Variants in ZDHHC20 observed in about 807,000 individuals in gnomAD.
The protein encoded by ZDHHC20 is palmitoyltransferase ZDHHC20.
Under a neutral mutation model 57.8 loss-of-function variants are expected in ZDHHC20, and 43 were observed. The ratio of observed to expected loss-of-function variants is 0.74; its 90% confidence interval spans 0.58 to 0.96. The LOEUF is 0.96. ZDHHC20 is among the 40% of genes least tolerant of loss of function. The probability of loss-of-function intolerance (pLI) is 0.00; values close to 1 mark genes in which losing one functional copy is unlikely to be tolerated. For missense variants in ZDHHC20, 391 were observed against 441.1 expected (o/e 0.89, Z 1.02); for synonymous variants, 157 against 153.0 (o/e 1.03, Z -0.19).
intron 1 of ZDHHC20, among the ~76,000 whole-genome samples, chr13:21,434,125 C>T (rs779218315): frequency 2.1e-4 from 32 of 151,530 alleles, no homozygotes; most frequent in Non-Finnish European, 3.4e-4. Flanking sequence ...TGTGTGTGTG[C>T]GTGCACACCA....
At chr13:21,404,163 A>G (rs1295732002) in intron 4 of ZDHHC20, among the ~76,000 whole-genome samples, 1 of 152,212 alleles carries the variant, frequency 6.6e-6, no homozygotes. Context: ...GTGAAACACT[A>G]TGCGGAGTTT....
rs1345730116 is a variant in ZDHHC20, at chr13:21,410,900, C to T, written c.370+2752G>A. Among the ~76,000 whole-genome samples, 2 of 152,146 alleles carry T rather than the reference C, an allele frequency of 1.3e-5. 1 individual carries two copies. The highest frequency in any genetic ancestry group is 2.9e-5 in the Non-Finnish European group (2 of 68,028). ...TGTCTTGCTGGCGTGCCAGGTGCCA[C>T]TGGGGTACGAAAAAAAACTCCTGCA... On this transcript the variant is annotated intron_variant, in intron 4 of 12. Transcript: ENST00000400590.
At chr13:21,442,364 G>A (rs9509713) in intron 1 of ZDHHC20, among the ~76,000 whole-genome samples, 26,371 of 152,004 alleles carry the variant, frequency 0.17, 2,751 homozygotes, top group Non-Finnish European at 0.25. Context: ...TTTAGTCTTC[G>A]TTTCTGATAC....
At chr13:21,419,982 A>G (rs1158061147) in intron 3 of ZDHHC20, among the ~76,000 whole-genome samples, 1 of 152,180 alleles carries the variant, frequency 6.6e-6, no homozygotes, top group Non-Finnish European at 1.5e-5. Context: ...TGTGGCAGGT[A>G]CACTAGTATT....
At chr13:21,401,779 T>C in intron 5 of ZDHHC20, 94 bp from the exon 6 acceptor site, 1 of 1,133,830 alleles carries the variant, frequency 8.8e-7, no homozygotes, top group Non-Finnish European at 1.2e-6. Context: ...AAAATTCCCT[T>C]TACAACTACA....
chr13:21,458,407 T>C (rs748289462), intron 1 of ZDHHC20, among the ~76,000 whole-genome samples: 2 of 152,200 alleles, frequency 1.3e-5, no homozygotes, highest in Non-Finnish European at 2.9e-5. Flanking sequence ...CTCCCACCCA[T>C]TCTTTCTGTC....
At chr13:21,438,805 GTTC>G (rs1566108512) in intron 1 of ZDHHC20, among the ~76,000 whole-genome samples, 3 of 152,122 alleles carry the variant, frequency 2.0e-5, no homozygotes, top group Admixed American at 1.3e-4. Context: ...GGCAAACTTC[GTTC>G]TTGTCGTTTT....
chr13:21,383,169 C>G (rs1399674212), intron 9 of ZDHHC20, among the ~76,000 whole-genome samples, 160 bp from the exon 10 acceptor site: 1 of 152,106 alleles, frequency 6.6e-6, no homozygotes, highest in Non-Finnish European at 1.5e-5. Flanking sequence ...TACCTTGATA[C>G]GGTTTGGCTG....
At position 21,435,195 on chromosome 13, in the gene ZDHHC20, A is replaced by AT. The variant is rs973130114; in HGVS notation, c.119-9518dup. Among the ~76,000 whole-genome samples the AT allele has an allele frequency of 1.5e-3, 222 of 144,822 alleles. 3 individuals are homozygous for AT. The highest frequency in any genetic ancestry group is 4.9e-3 in the African/African-American group (194 of 39,324). On this transcript the variant is annotated intron_variant, in intron 1 of 12. Coordinates refer to ENST00000400590, the MANE Select transcript of ZDHHC20 (RefSeq NM_001330059.2). ...TTTCTTATGCTTATGTGTCATTTTCATTTTTTTTTTCCTGTGAAACATCTG... is the reference window on the plus strand; with the variant it reads ...TTTCTTATGCTTATGTGTCATTTTCATTTTTTTTTTTCCTGTGAAACATCTG...
intron 4 of ZDHHC20, chr13:21,404,216 G>C (rs1406200725): frequency 1.3e-5 from 6 of 446,158 alleles, no homozygotes; most frequent in African/African-American, 1.2e-4. Flanking sequence ...ACTGGGTGCG[G>C]TGGCTCACTT....
At chr13:21,421,301 T>C (rs773592985) in intron 2 of ZDHHC20, 137 bp from the exon 3 acceptor site, 2 of 668,442 alleles carry the variant, frequency 3.0e-6, no homozygotes, top group East Asian at 2.8e-5. Context: ...ACATCAAATA[T>C]ATAAACTTTA....
intron 9 of ZDHHC20, among the ~76,000 whole-genome samples, chr13:21,383,342 T>C (rs992707071): frequency 6.6e-6 from 1 of 151,944 alleles, no homozygotes; most frequent in African/African-American, 2.4e-5. Context: ...TAAACGGGAG[T>C]TCCCCTGGCA....
chr13:21,375,049 T>C lies in ZDHHC20; in HGVS notation c.*1647A>G. ...CTTGGGAGGCTGAGGCAGGAGACTCTATTGAACCTGGAAGGCAGAGGTTGC... is the reference window on the plus strand; with the variant it reads ...CTTGGGAGGCTGAGGCAGGAGACTCCATTGAACCTGGAAGGCAGAGGTTGC... On this transcript the variant is annotated 3_prime_UTR_variant, in exon 13 of 13. Transcript: ENST00000400590. The C allele has an allele frequency of 2.2e-6, 1 of 446,934 alleles. No individual in the cohort carries two copies. Among genetic ancestry groups the C allele is most frequent in the Non-Finnish European group, 4.5e-6 (1 of 223,368 alleles). The allele number at this position is 446,934 out of a possible 1,614,324, so 27.7% of individuals were successfully genotyped here. A position where few individuals can be genotyped will look rare whatever the true frequency, so the allele number is the denominator to read the frequency against.
At chr13:21,378,766 GACAAA>G in intron 11 of ZDHHC20, 28 bp from the exon 12 acceptor site, 1 of 689,124 alleles carries the variant, frequency 1.5e-6, no homozygotes, top group South Asian at 5.4e-5. Context: ...TATATGACAT[GACAAA>G]AAAAAAAAAA....
chr13:21,452,244 G>GC (rs397793511), intron 1 of ZDHHC20, among the ~76,000 whole-genome samples: 3 of 3,948 alleles, frequency 7.6e-4, no homozygotes, highest in African/African-American at 1.2e-3. Context: ...ATCTTAATGT[G>GC]CGACAGAAAT....
rs1877383740 is a variant in ZDHHC20, at chr13:21,399,957, T to C, written c.594+416A>G. Among the ~76,000 whole-genome samples the C allele has an allele frequency of 3.3e-5, 5 of 151,856 alleles. No homozygotes were observed. In the South Asian group the frequency reaches 1.0e-3, roughly 32 times the overall value. ...TTCATTCATTTGCCATTTTAAGAAA[T>C]GCTGTAAAATCTATAAAGACAGGAA... On this transcript the variant is annotated intron_variant, in intron 7 of 12. Coordinates refer to ENST00000400590, the MANE Select transcript of ZDHHC20 (RefSeq NM_001330059.2).
Position 21,400,496 on chromosome 13 carries a change from G to T in ZDHHC20, c.474-3C>A. On this transcript the variant is annotated splice_polypyrimidine_tract_variant and splice_region_variant and intron_variant, in intron 6 of 12. Coordinates refer to ENST00000400590, the MANE Select transcript of ZDHHC20 (RefSeq NM_001330059.2). ...AAAATCCCACACAGTTATTCACCCT[G>T]GAAAAATAAAGAAAGCCACATTATA... The T allele has an allele frequency of 1.3e-6, 2 of 1,536,742 alleles. No individual in the cohort carries two copies. The highest frequency in any genetic ancestry group is 1.7e-6 in the Non-Finnish European group (2 of 1,144,034).
At chr13:21,440,410 A>G (rs1367073231) in intron 1 of ZDHHC20, among the ~76,000 whole-genome samples, 3 of 152,126 alleles carry the variant, frequency 2.0e-5, no homozygotes, top group Non-Finnish European at 2.9e-5. Context: ...CAGGAGTTTG[A>G]GACCAGCTTG....
intron 9 of ZDHHC20, 74 bp downstream of exon 9, chr13:21,387,434 T>A: frequency 8.4e-7 from 1 of 1,186,182 alleles, no homozygotes; most frequent in East Asian, 3.0e-5. Flanking sequence ...ATTCTCTAAA[T>A]CTGAAGACAT....
Sources: gnomAD v4.1 joint callset for allele counts (sites outside exome capture counted in the v4.1 genomes callset) on GRCh38, gnomAD v4.1.1 for gene constraint, MANE v1.5 for transcripts, NCBI Gene and HGNC (gene_info 2026-07-23, HGNC 2026-07-21) for gene names.